BRIP1: variants seen among roughly 807,000 people sequenced by gnomAD.
The protein encoded by BRIP1 is BRCA1 interacting DNA helicase 1.
In BRIP1, 88 loss-of-function variants were observed where a neutral mutation model predicts 119.7. The ratio of observed to expected loss-of-function variants is 0.74; its 90% CI spans 0.62 to 0.88. The LOEUF (loss-of-function observed/expected upper bound fraction) is 0.88. BRIP1 is among the 40% of genes least tolerant of loss of function. The pLI, the probability that BRIP1 is intolerant of heterozygous loss-of-function variation, is 0.00. For synonymous variants in BRIP1, 443 were observed against 496.5 expected (o/e 0.89, Z 1.43); for missense variants, 1,259 against 1,455.4 (o/e 0.87, Z 2.20).
At chr17:61,779,109 A>G (rs1254303638) in intron 13 of BRIP1, among the ~76,000 whole-genome samples, 1 of 152,256 alleles carries the variant, frequency 6.6e-6, no homozygotes, top group African/African-American at 2.4e-5. Context: ...CATCGTTATA[A>G]AACATTAAAA....
At position 61,691,496 on chromosome 17, in the gene BRIP1, C is replaced by T. The variant is rs561148287; in HGVS notation, c.2575+1934G>A. On this transcript the variant is annotated intron_variant, in intron 18 of 19. Transcript: ENST00000259008. The surrounding 1 kb of genome is among the most constrained non-coding windows in gnomAD (Gnocchi z 5.0). ...TTTGAGACAGAATCTTGCTCTGTTG[C>T]CCAGGCTAGAGTGCAGTGGCGCGGT... is the stretch of plus-strand genomic sequence containing the variant. 6.6e-6 allele frequency among the ~76,000 whole-genome samples: 1 copy of T among 152,170 alleles called. No homozygotes were observed. The highest frequency in any genetic ancestry group is 1.9e-4 in the East Asian group (1 of 5,206).
Position 61,849,200 on chromosome 17 carries a change from T to C in BRIP1, c.436A>G (p.Ile146Val), listed in dbSNP as rs1567868598. Residue 146 changes from isoleucine to valine, a missense_variant, in exon 5 of 20, where the codon ATA (isoleucine) becomes GTA (valine). Physicochemically the swap from Ile to Val is conservative, Grantham distance 29 (BLOSUM62 3). Around this residue, in one of 3 missense-constraint regions of BRIP1, gnomAD observed 501 missense variants for 544.0 expected, o/e 0.92. Coordinates refer to ENST00000259008, the MANE Select transcript of BRIP1 (RefSeq NM_032043.3). ...AKLSAKKQAS[I>V]YRDENDDFQV... ...AAATCATCATTTTCATCTCTGTATA[T>C]GGATGCCTGTTTCTTAGCAGATAAC... is the stretch of plus-strand genomic sequence containing the variant. The C allele has an allele frequency of 6.2e-7, 1 of 1,613,042 alleles. No individual in the cohort carries two copies. The highest frequency in any genetic ancestry group is 8.5e-7 in the Non-Finnish European group (1 of 1,179,140).
rs1180275611 is a variant in BRIP1 at position 61,806,816 on chromosome 17, G to A, written c.918+1651C>T. 2.0e-5 allele frequency among the ~76,000 whole-genome samples: 3 copies of A among 152,130 alleles called. No homozygotes were observed. Among genetic ancestry groups the A allele is most frequent in the Non-Finnish European group, 4.4e-5 (3 of 68,030 alleles). On this transcript the variant is annotated intron_variant, in intron 7 of 19. Coordinates refer to ENST00000259008, the MANE Select transcript of BRIP1 (RefSeq NM_032043.3). This position sits in a 1 kb window ranked among gnomAD's most constrained non-coding sequence, Gnocchi z 4.9. ...GGGTTCAAGCGATTCTCATGCCTCAGCCTCCCAAGTAGCTGGGATTACAAG... is the reference window on the plus strand; with the variant it reads ...GGGTTCAAGCGATTCTCATGCCTCAACCTCCCAAGTAGCTGGGATTACAAG...
chr17:61,835,892 G>T (rs2078565043), intron 6 of BRIP1, among the ~76,000 whole-genome samples: 1 of 151,940 alleles, frequency 6.6e-6, no homozygotes, highest in South Asian at 2.1e-4. Context: ...CCATAAACAA[G>T]AGAGTTAAAT....
chr17:61,687,613 A>G lies in BRIP1; in HGVS notation c.2576-1448T>C, dbSNP rs1431549618. On this transcript the variant is annotated intron_variant, in intron 18 of 19. Coordinates refer to ENST00000259008, the MANE Select transcript of BRIP1 (RefSeq NM_032043.3). This position sits in a 1 kb window ranked among gnomAD's most constrained non-coding sequence, Gnocchi z 5.1. ...TTTAACATCTCTTTATTATAATAAA[A>G]TGTATTTTTTTTTTAGCTAAAAGGT... is the stretch of plus-strand genomic sequence containing the variant. Among the ~76,000 whole-genome samples the G allele has an allele frequency of 6.6e-6, 1 of 152,194 alleles. No homozygotes were observed. Among genetic ancestry groups the G allele is most frequent in the Non-Finnish European group, 1.5e-5 (1 of 68,026 alleles).
At position 61,832,851 on chromosome 17, in the gene BRIP1, T is replaced by A. The variant is rs548321821; in HGVS notation, c.627+14250A>T. On this transcript the variant is annotated intron_variant, in intron 6 of 19. Coordinates refer to ENST00000259008, the MANE Select transcript of BRIP1 (RefSeq NM_032043.3). This position sits in a 1 kb window ranked among gnomAD's most constrained non-coding sequence, Gnocchi z 5.5. ...TAACTTCCTGATTCTTATGGTTATA[T>A]TGTGATTATGTATAAGAATGTCTTT... Among the ~76,000 whole-genome samples, 7 of 152,236 alleles carry A rather than the reference T, an allele frequency of 4.6e-5. No individual in the cohort carries two copies. Among genetic ancestry groups the A allele is most frequent in the Non-Finnish European group, 1.0e-4 (7 of 68,040 alleles).
chr17:61,788,272 C>T (rs1435544750), intron 10 of BRIP1, among the ~76,000 whole-genome samples: 1 of 151,970 alleles, frequency 6.6e-6, no homozygotes, highest in Non-Finnish European at 1.5e-5. Flanking sequence ...ATGAATAAAT[C>T]TAACCAAAGC....
In BRIP1 at chr17:61,739,779, A is replaced by G. The variant is rs1425423871; in HGVS notation, c.2379+3234T>C. Among the ~76,000 whole-genome samples the G allele has an allele frequency of 6.6e-6, 1 of 152,110 alleles. No homozygotes were observed. Among genetic ancestry groups the G allele is most frequent in the East Asian group, 1.9e-4 (1 of 5,184 alleles). On this transcript the variant is annotated intron_variant, in intron 16 of 19. Transcript: ENST00000259008. The surrounding 1 kb of genome is among the most constrained non-coding windows in gnomAD (Gnocchi z 6.0). Reference sequence around the variant, plus strand: ...TCAGCTCAGTGGTCAGAAAATCTCAAATTTTCTCAGATTGCCAGCACTTTC... The same window carrying G: ...TCAGCTCAGTGGTCAGAAAATCTCAGATTTTCTCAGATTGCCAGCACTTTC...
In BRIP1 at chr17:61,842,714, C is replaced by T. The variant is rs1022761192; in HGVS notation, c.627+4387G>A. Among the ~76,000 whole-genome samples, 7 of 152,172 alleles carry T rather than the reference C, an allele frequency of 4.6e-5. No homozygotes were observed. The highest frequency in any genetic ancestry group is 1.7e-4 in the African/African-American group (7 of 41,434). On this transcript the variant is annotated intron_variant, in intron 6 of 19. Transcript: ENST00000259008. The surrounding 1 kb of genome is among the most constrained non-coding windows in gnomAD (Gnocchi z 5.1). Reference sequence around the variant, plus strand: ...AATATGTATCCATCTGCTGCTGTTACTACTACTACAGCTGCTGCTACTTCT... The same window carrying T: ...AATATGTATCCATCTGCTGCTGTTATTACTACTACAGCTGCTGCTACTTCT...
At chr17:61,821,716 T>C (rs1033073003) in intron 6 of BRIP1, among the ~76,000 whole-genome samples, 1 of 151,810 alleles carries the variant, frequency 6.6e-6, no homozygotes, top group Non-Finnish European at 1.5e-5. Context: ...TTTTTGTCTT[T>C]TTAAAATTTT....
rs1025606233 is a variant in BRIP1, at chr17:61,769,363, C to T, written c.2097+7038G>A. ...TCTAATTATATTTCAATCCTGGTTC[C>T]TCATGTCCCCCTGAAATGAATTCTA... On this transcript the variant is annotated intron_variant, in intron 14 of 19. Transcript: ENST00000259008. The surrounding 1 kb of genome is among the most constrained non-coding windows in gnomAD (Gnocchi z 4.9). Among the ~76,000 whole-genome samples the T allele has an allele frequency of 6.6e-6, 1 of 152,116 alleles. No individual in the cohort carries two copies. The highest frequency in any genetic ancestry group is 1.5e-5 in the Non-Finnish European group (1 of 68,018).
chr17:61,712,205 T>C (rs1403630112), intron 17 of BRIP1, among the ~76,000 whole-genome samples: 1 of 152,080 alleles, frequency 6.6e-6, no homozygotes. Flanking sequence ...GTTTTCATGA[T>C]TTTACTCTTA....
chr17:61,765,277 C>T (rs1216700198), intron 14 of BRIP1, among the ~76,000 whole-genome samples: 1 of 147,894 alleles, frequency 6.8e-6, no homozygotes, highest in Non-Finnish European at 1.5e-5. Context: ...CCTTTATTCT[C>T]CCTAGATTTT....
In BRIP1 at chr17:61,701,358, T is replaced by C. The variant is rs1400764706; in HGVS notation, c.2493-7846A>G. On this transcript the variant is annotated intron_variant, in intron 17 of 19. Coordinates refer to ENST00000259008, the MANE Select transcript of BRIP1 (RefSeq NM_032043.3). This position sits in a 1 kb window ranked among gnomAD's most constrained non-coding sequence, Gnocchi z 5.1. The stretch of plus-strand genomic sequence containing the variant: ...AGTCTGTATTGTCATGTGTGGTCAT[T>C]GAAGACTGCTCGATTAACTTAGTAG... Among the ~76,000 whole-genome samples the C allele has an allele frequency of 6.6e-6, 1 of 152,246 alleles. No individual in the cohort carries two copies. Among genetic ancestry groups the C allele is most frequent in the Non-Finnish European group, 1.5e-5 (1 of 68,042 alleles).
At chr17:61,819,724 G>C (rs375859880) in intron 6 of BRIP1, among the ~76,000 whole-genome samples, 2 of 152,128 alleles carry the variant, frequency 1.3e-5, no homozygotes, top group East Asian at 3.9e-4. Flanking sequence ...GGTTTTCAGA[G>C]GCTGGGCAAG....
In BRIP1 at chr17:61,681,462, G is replaced by A; in HGVS notation, c.*1834C>T. 4.8e-6 allele frequency: 1 copy of A among 210,188 alleles called. No homozygotes were observed. Among genetic ancestry groups the A allele is most frequent in the Non-Finnish European group, 9.7e-6 (1 of 103,362 alleles). The allele number at this position is 210,188 out of a possible 1,614,324, so 13.0% of individuals were successfully genotyped here. ...TGAAGGGTGTGGTGATTGCCAATAT[G>A]ACTTAGCAAATCAGTGGCAGAGCCA... is the stretch of plus-strand genomic sequence containing the variant. On this transcript the variant is annotated 3_prime_UTR_variant, in exon 20 of 20. Coordinates refer to ENST00000259008, the MANE Select transcript of BRIP1 (RefSeq NM_032043.3). This position sits in a 1 kb window ranked among gnomAD's most constrained non-coding sequence, Gnocchi z 5.1.
In BRIP1 at chr17:61,799,753, A is replaced by G. The variant is rs2077961532; in HGVS notation, c.1141-454T>C. Among the ~76,000 whole-genome samples the G allele has an allele frequency of 6.6e-6, 1 of 152,178 alleles. No homozygotes were observed. Among genetic ancestry groups the G allele is most frequent in the African/African-American group, 2.4e-5 (1 of 41,446 alleles). On this transcript the variant is annotated intron_variant, in intron 8 of 19. Coordinates refer to ENST00000259008, the MANE Select transcript of BRIP1 (RefSeq NM_032043.3). This position sits in a 1 kb window ranked among gnomAD's most constrained non-coding sequence, Gnocchi z 5.1. ...GCATAAAACCTTTAAAAGTAAAATA[A>G]CAATACAAGATTAAAATGACTCTTA...
chr17:61,715,374 T>A (rs2061844324), intron 17 of BRIP1, among the ~76,000 whole-genome samples: 1 of 152,050 alleles, frequency 6.6e-6, no homozygotes, highest in Non-Finnish European at 1.5e-5. Context: ...TGAAAATGAT[T>A]TTTTTTTCTG....
Position 61,847,235 on chromosome 17 carries a change from C to T in BRIP1, c.508-15G>A, listed in dbSNP as rs1057523603. On this transcript the variant is annotated splice_polypyrimidine_tract_variant and intron_variant, in intron 5 of 19. Coordinates refer to ENST00000259008, the MANE Select transcript of BRIP1 (RefSeq NM_032043.3). ...CGTTTTCTAATCTGTAAACACAGAA[C>T]CAAAATGAAGTTTAAGGTGAACTAG... 6.2e-7 allele frequency: 1 copy of T among 1,613,446 alleles called. No homozygotes were observed. Among genetic ancestry groups the T allele is most frequent in the South Asian group, 1.1e-5 (1 of 91,074 alleles).
Sources: allele counts gnomAD v4.1 joint callset (sites outside exome capture counted in the v4.1 genomes callset), GRCh38; gene constraint gnomAD v4.1.1; regional missense constraint gnomAD v4.1.1; non-coding constraint Gnocchi (gnomAD v3.1); transcripts MANE v1.5; gene names NCBI Gene and HGNC (gene_info 2026-07-23, HGNC 2026-07-21).